Variants in LRP1B observed in about 807,000 individuals in gnomAD.
The protein encoded by LRP1B is low-density lipoprotein receptor-related protein 1B.
Under a neutral mutation model 556.6 loss-of-function variants are expected in LRP1B, and 217 were observed. The ratio of observed to expected loss-of-function variants is 0.39; its 90% CI spans 0.35 to 0.44. The LOEUF is 0.44. Among genes scored for constraint, LRP1B ranks in the 20% least tolerant of loss-of-function variants. The pLI is 1.00. For synonymous variants in LRP1B, 2,047 were observed against 1,865.8 expected, an observed-to-expected ratio of 1.10 and a Z score of -2.50; for missense variants, 5,053 against 5,620.8, an observed-to-expected ratio of 0.90 and a Z score of 3.23.
At chr2:140,266,768 C>G (rs1682221876) in intron 86 of LRP1B, among the ~76,000 whole-genome samples, 1 of 151,992 alleles carries the variant, frequency 6.6e-6, no homozygotes, top group African/African-American at 2.4e-5. Flanking sequence ...TCCCACTCTC[C>G]CACAGGAATC....
intron 1 of LRP1B, among the ~76,000 whole-genome samples, chr2:141,962,288 C>T (rs961298748): frequency 3.3e-5 from 5 of 151,634 alleles, no homozygotes; most frequent in South Asian, 2.1e-4. Flanking sequence ...TTTCAGAAAG[C>T]ACATGTGGGG....
intron 21 of LRP1B, among the ~76,000 whole-genome samples, chr2:140,909,874 A>C (rs1291501153): frequency 6.6e-6 from 1 of 151,170 alleles, no homozygotes; most frequent in Non-Finnish European, 1.5e-5. Flanking sequence ...TAAAAAATGT[A>C]TTTTGGGTTA....
chr2:140,699,142 C>T (rs1210884490), intron 41 of LRP1B, among the ~76,000 whole-genome samples: 1 of 151,922 alleles, frequency 6.6e-6, no homozygotes, highest in Non-Finnish European at 1.5e-5. Flanking sequence ...CACATACAGG[C>T]TTGGATAGCT....
At chr2:140,846,150 T>C (rs1376276927) in intron 29 of LRP1B, among the ~76,000 whole-genome samples, 2 of 151,962 alleles carry the variant, frequency 1.3e-5, no homozygotes, top group African/African-American at 4.8e-5. Flanking sequence ...TCAATAGCAA[T>C]AGGGGAAGTC....
intron 10 of LRP1B, among the ~76,000 whole-genome samples, chr2:141,049,756 C>T (rs1698981219): frequency 6.6e-6 from 1 of 151,986 alleles, no homozygotes; most frequent in African/African-American, 2.4e-5. Flanking sequence ...GTGACTTATT[C>T]TTTTTAGAAA....
intron 2 of LRP1B, among the ~76,000 whole-genome samples, chr2:141,795,844 G>GA (rs1695785096): frequency 1.0e-5 from 1 of 96,308 alleles, no homozygotes; most frequent in Non-Finnish European, 2.1e-5. Context: ...AATAGAGAAT[G>GA]AAAACCAGGA....
chr2:140,293,786 C>G (rs1162439985), intron 84 of LRP1B, among the ~76,000 whole-genome samples: 1 of 152,144 alleles, frequency 6.6e-6, no homozygotes, highest in East Asian at 1.9e-4. Flanking sequence ...ACAGCATCAC[C>G]ATACAGCAAG....
At chr2:140,884,798 A>G (rs1221221171) in intron 24 of LRP1B, among the ~76,000 whole-genome samples, 1 of 152,018 alleles carries the variant, frequency 6.6e-6, no homozygotes, top group Admixed American at 6.6e-5. Flanking sequence ...TTGCAGCCTC[A>G]ACTTCCAGGG....
At chr2:141,540,170 G>T (rs1167692887) in intron 2 of LRP1B, among the ~76,000 whole-genome samples, 1 of 151,882 alleles carries the variant, frequency 6.6e-6, no homozygotes, top group East Asian at 1.9e-4. Flanking sequence ...GAGAATTTGA[G>T]ATTGAAAATC....
chr2:142,035,657 A>G (rs964999465), intron 1 of LRP1B, among the ~76,000 whole-genome samples: 3 of 151,614 alleles, frequency 2.0e-5, no homozygotes, highest in African/African-American at 7.3e-5. Flanking sequence ...TAGTTTAACA[A>G]CAACTTTTTT....
intron 82 of LRP1B, among the ~76,000 whole-genome samples, chr2:140,321,540 A>G (rs1456348245): frequency 6.6e-6 from 1 of 152,048 alleles, no homozygotes; most frequent in Non-Finnish European, 1.5e-5. Context: ...TGGTTTCTAA[A>G]TTAATTCTCA....
chr2:140,991,252 T>C (rs1697084709), intron 16 of LRP1B, among the ~76,000 whole-genome samples: 1 of 152,140 alleles, frequency 6.6e-6, no homozygotes, highest in Non-Finnish European at 1.5e-5. Context: ...TTTGCAATTT[T>C]CAACAATAAA....
intron 11 of LRP1B, among the ~76,000 whole-genome samples, chr2:141,036,771 A>G (rs1331716677): frequency 1.3e-5 from 2 of 152,084 alleles, no homozygotes; most frequent in Non-Finnish European, 2.9e-5. Context: ...AGGTACAGCA[A>G]CACTCAGGGA....
intron 3 of LRP1B, among the ~76,000 whole-genome samples, chr2:141,347,437 T>C (rs191477378): frequency 9.9e-5 from 15 of 152,136 alleles, no homozygotes; most frequent in Admixed American, 8.5e-4. Context: ...TAAAAGTATG[T>C]GTTAAATTAA....
chr2:141,904,385 AATCAAGGATAT>A (rs1381560474), intron 1 of LRP1B, among the ~76,000 whole-genome samples: 1 of 151,852 alleles, frequency 6.6e-6, no homozygotes, highest in Admixed American at 6.6e-5. Flanking sequence ...GGTAGGGAAG[AATCAAGGATAT>A]ATCTTAGGCC....
At chr2:140,801,346 A>G (rs1402929947) in intron 32 of LRP1B, among the ~76,000 whole-genome samples, 1 of 152,318 alleles carries the variant, frequency 6.6e-6, no homozygotes, top group East Asian at 1.9e-4. Flanking sequence ...CAGCTAATGA[A>G]CAGGGAACAC....
At chr2:140,312,897 T>C (rs1362934574) in intron 83 of LRP1B, among the ~76,000 whole-genome samples, 1 of 151,924 alleles carries the variant, frequency 6.6e-6, no homozygotes, top group East Asian at 1.9e-4. Context: ...TCAATTATTA[T>C]TGTCCTATAC....
At chr2:140,870,836 C>T (rs926953138) in intron 25 of LRP1B, among the ~76,000 whole-genome samples, 2 of 151,702 alleles carry the variant, frequency 1.3e-5, no homozygotes, top group African/African-American at 4.8e-5. Context: ...TCAATTAATC[C>T]ACTTCCTTTT....
intron 3 of LRP1B, among the ~76,000 whole-genome samples, chr2:141,325,506 G>A (rs2105479984): frequency 6.6e-6 from 1 of 152,162 alleles, no homozygotes. Flanking sequence ...GACTATACTA[G>A]GTAACATAGT....
Sources: gnomAD v4.1 joint callset for allele counts (sites outside exome capture counted in the v4.1 genomes callset) on GRCh38, gnomAD v4.1.1 for gene constraint, MANE v1.5 for transcripts, NCBI Gene and HGNC (gene_info 2026-07-23, HGNC 2026-07-21) for gene names.